SPATA16: variants seen among roughly 807,000 people sequenced by gnomAD.
SPATA16 encodes the protein spermatogenesis-associated protein 16.
A neutral mutation model predicts 63.3 loss-of-function variants in SPATA16; 36 were observed. The ratio of observed to expected loss-of-function variants is 0.57; its 90% CI spans 0.44 to 0.75. The LOEUF (loss-of-function observed/expected upper bound fraction) is 0.75. Ranked by LOEUF, SPATA16 falls within the 30% of genes least tolerant of loss-of-function variation. The pLI is 0.00. For missense variants in SPATA16, 646 were observed against 679.3 expected (o/e 0.95, Z 0.54); for synonymous variants, 203 against 216.7 (o/e 0.94, Z 0.56).
At chr3:172,945,174 G>C (rs968535120) in intron 6 of SPATA16, among the ~76,000 whole-genome samples, 3 of 152,032 alleles carry the variant, frequency 2.0e-5, no homozygotes, top group Admixed American at 6.6e-5. Context: ...GTGTCTTTTA[G>C]CATATTTCAA....
intron 4 of SPATA16, 38 bp from the exon 5 acceptor site, chr3:172,977,090 A>G (rs766751738): frequency 3.3e-6 from 5 of 1,529,302 alleles, no homozygotes; most frequent in Admixed American, 3.3e-5. Flanking sequence ...AACAAAAACA[A>G]ATGTATAGGA....
intron 10 of SPATA16, among the ~76,000 whole-genome samples, chr3:172,903,812 C>A (rs756710038): frequency 6.6e-6 from 1 of 152,176 alleles, no homozygotes; most frequent in Non-Finnish European, 1.5e-5. Flanking sequence ...GCAGCTACCA[C>A]GAAGCAGTGT....
intron 1 of SPATA16, among the ~76,000 whole-genome samples, 195 bp from the exon 2 acceptor site, chr3:173,117,944 A>G (rs1737953093): frequency 6.6e-6 from 1 of 152,210 alleles, no homozygotes; most frequent in South Asian, 2.1e-4. Flanking sequence ...ACTCACCAAG[A>G]TAAGAATTTG....
chr3:173,134,505 A>T (rs1738483284), intron 1 of SPATA16, among the ~76,000 whole-genome samples: 4 of 151,990 alleles, frequency 2.6e-5, no homozygotes, highest in Admixed American at 2.6e-4. Context: ...GAAAAAAAAA[A>T]GTAAGCCATT....
chr3:172,975,280 ACTTTGT>A (rs1204138023), intron 5 of SPATA16, among the ~76,000 whole-genome samples: 2 of 152,176 alleles, frequency 1.3e-5, no homozygotes, highest in East Asian at 3.8e-4. Flanking sequence ...CCAAGGTCTT[ACTTTGT>A]CTTAGGTTAT....
At chr3:173,012,139 T>C (rs1735088109) in intron 4 of SPATA16, among the ~76,000 whole-genome samples, 10 of 152,150 alleles carry the variant, frequency 6.6e-5, no homozygotes, top group Admixed American at 6.5e-4. Context: ...TATACACCAA[T>C]AATGTTCAAG....
At chr3:172,985,222 T>C (rs188246773) in intron 4 of SPATA16, among the ~76,000 whole-genome samples, 2 of 152,338 alleles carry the variant, frequency 1.3e-5, no homozygotes, top group Admixed American at 1.3e-4. Flanking sequence ...AATTTTTTCT[T>C]TTCTGGCTGT....
intron 8 of SPATA16, among the ~76,000 whole-genome samples, chr3:172,923,204 G>A (rs967240592): frequency 2.6e-5 from 4 of 152,092 alleles, no homozygotes; most frequent in Non-Finnish European, 4.4e-5. Context: ...AGGTAGAGAT[G>A]GATTTCTTAT....
At chr3:173,048,623 C>T (rs953871643) in intron 3 of SPATA16, among the ~76,000 whole-genome samples, 10 of 152,180 alleles carry the variant, frequency 6.6e-5, no homozygotes, top group Middle Eastern at 6.8e-3. Flanking sequence ...ACTGCAATTT[C>T]GACAATCCCT....
intron 2 of SPATA16, among the ~76,000 whole-genome samples, chr3:173,061,611 G>T (rs1223382503): frequency 1.3e-5 from 2 of 152,118 alleles, no homozygotes; most frequent in African/African-American, 4.8e-5. Context: ...CAAGGGTATT[G>T]CAATTAATAG....
intron 8 of SPATA16, among the ~76,000 whole-genome samples, chr3:172,922,644 G>C (rs1732637419): frequency 6.6e-6 from 1 of 152,206 alleles, no homozygotes; most frequent in African/African-American, 2.4e-5. Context: ...GGCCTGGCCA[G>C]GCATGGTAGC....
At chr3:173,004,372 GA>G (rs1166877526) in intron 4 of SPATA16, among the ~76,000 whole-genome samples, 1 of 143,532 alleles carries the variant, frequency 7.0e-6, no homozygotes, top group Non-Finnish European at 1.5e-5. Context: ...CTCCTTTCAG[GA>G]ATAATTGAAA....
chr3:173,098,655 T>C (rs911005598), intron 2 of SPATA16, among the ~76,000 whole-genome samples: 1 of 151,978 alleles, frequency 6.6e-6, no homozygotes, highest in African/African-American at 2.4e-5. Context: ...TGTTAAAAAA[T>C]GAAGAATTAG....
chr3:173,068,025 C>T (rs958087270), intron 2 of SPATA16, among the ~76,000 whole-genome samples: 2 of 152,150 alleles, frequency 1.3e-5, no homozygotes, highest in African/African-American at 4.8e-5. Context: ...ATCCTTCAAA[C>T]ATGAAGGAGA....
chr3:173,135,923 G>A (rs985180999), intron 1 of SPATA16, among the ~76,000 whole-genome samples: 5 of 152,134 alleles, frequency 3.3e-5, no homozygotes, highest in African/African-American at 1.2e-4. Flanking sequence ...TGTATGTTAT[G>A]CATCGATAAA....
chr3:172,889,453 C>G lies in SPATA16; in HGVS notation c.*117G>C. ...AGATGAACTGAGGGGAATACCACCT[C>G]TTTCTTTTGGTGACAAGCTTTTGTT... is the stretch of plus-strand genomic sequence containing the variant. On this transcript the variant is annotated 3_prime_UTR_variant, in exon 11 of 11. Transcript: ENST00000351008. 1 of 1,469,604 alleles carries G rather than the reference C, an allele frequency of 6.8e-7. No individual in the cohort carries two copies. The highest frequency in any genetic ancestry group is 1.7e-5 in the Admixed American group (1 of 58,902). The allele number at this position is 1,469,604 out of a possible 1,614,324, so 91.0% of individuals were successfully genotyped here.
chr3:173,124,252 AT>A, intron 1 of SPATA16, among the ~76,000 whole-genome samples: 1 of 152,222 alleles, frequency 6.6e-6, no homozygotes, highest in Non-Finnish European at 1.5e-5. Flanking sequence ...CTCTTTTATT[AT>A]TTATTAACTG....
intron 2 of SPATA16, among the ~76,000 whole-genome samples, chr3:173,111,539 C>T (rs1225956224): frequency 6.6e-6 from 1 of 152,100 alleles, no homozygotes; most frequent in African/African-American, 2.4e-5. Context: ...TTTGGTGAAC[C>T]CCCAAATTTC....
chr3:172,895,322 A>G (rs755866230), intron 10 of SPATA16, among the ~76,000 whole-genome samples: 5 of 152,064 alleles, frequency 3.3e-5, no homozygotes, highest in East Asian at 1.9e-4. Flanking sequence ...TAATAAACTA[A>G]TAAGTTTTTT....
Sources: gnomAD v4.1 joint callset for allele counts (sites outside exome capture counted in the v4.1 genomes callset) on GRCh38, gnomAD v4.1.1 for gene constraint, MANE v1.5 for transcripts, NCBI Gene and HGNC (gene_info 2026-07-23, HGNC 2026-07-21) for gene names.